Variants in PBX1 observed in about 807,000 individuals in gnomAD.
PBX1 encodes the protein PBX homeobox 1.
PBX1 carries 6 observed loss-of-function variants against 53.4 expected under a neutral mutation model. That is an observed-to-expected ratio of 0.11 (90% CI 0.06 to 0.22). The LOEUF is 0.22. PBX1 is among the 10% of genes least tolerant of loss of function. PBX1 has a pLI of 1.00. For synonymous variants in PBX1, 204 were observed against 212.3 expected, an observed-to-expected ratio of 0.96 and a Z score of 0.34; for missense variants, 251 against 551.4, an observed-to-expected ratio of 0.46 and a Z score of 5.46.
intron 2 of PBX1, among the ~76,000 whole-genome samples, chr1:164,617,746 A>AT (rs1321187607): frequency 6.6e-6 from 1 of 152,196 alleles, no homozygotes. Context: ...TTGTTCTGTT[A>AT]TTTTAAATCC....
intron 2 of PBX1, among the ~76,000 whole-genome samples, chr1:164,742,027 C>CA (rs1665642685): frequency 1.3e-5 from 2 of 151,570 alleles, no homozygotes; most frequent in Non-Finnish European, 2.9e-5. Flanking sequence ...GAGAGCCAAA[C>CA]AAAAAATACC....
At chr1:164,802,478 G>T (rs1002939396) in intron 4 of PBX1, among the ~76,000 whole-genome samples, 4 of 152,170 alleles carry the variant, frequency 2.6e-5, no homozygotes, top group African/African-American at 9.7e-5. Context: ...CAGTTTGGCT[G>T]CCTGCTTTCT....
intron 2 of PBX1, among the ~76,000 whole-genome samples, chr1:164,615,459 G>T (rs1450724367): frequency 6.6e-6 from 1 of 151,624 alleles, no homozygotes; most frequent in Non-Finnish European, 1.5e-5. Flanking sequence ...TTTCAGGCAA[G>T]TAACTATTTG....
chr1:164,608,937 G>A (rs924241195), intron 2 of PBX1, among the ~76,000 whole-genome samples: 7 of 152,166 alleles, frequency 4.6e-5, no homozygotes, highest in Non-Finnish European at 8.8e-5. Context: ...AGAATTCCAG[G>A]AATCTCTTAG....
chr1:164,608,729 G>T (rs796520874), intron 2 of PBX1, among the ~76,000 whole-genome samples: 1 of 152,188 alleles, frequency 6.6e-6, no homozygotes, highest in Non-Finnish European at 1.5e-5. Context: ...ACAAAATGTG[G>T]CTGAGCTGTT....
At chr1:164,804,355 A>G (rs1048308596) in intron 4 of PBX1, among the ~76,000 whole-genome samples, 11 of 152,212 alleles carry the variant, frequency 7.2e-5, no homozygotes, top group Admixed American at 1.3e-4. Context: ...CAGAGCTACA[A>G]TCTTTTTCCA....
chr1:164,620,994 T>A (rs759463442), intron 2 of PBX1, among the ~76,000 whole-genome samples: 1 of 149,470 alleles, frequency 6.7e-6, no homozygotes, highest in Non-Finnish European at 1.5e-5. Context: ...TAAAAAAAAA[T>A]TAATTAATTT....
At chr1:164,607,315 G>A (rs1278222068) in intron 2 of PBX1, among the ~76,000 whole-genome samples, 1 of 152,148 alleles carries the variant, frequency 6.6e-6, no homozygotes, top group Admixed American at 6.5e-5. Flanking sequence ...TGTAGTAAGT[G>A]GGATGAATGA....
At chr1:164,700,380 C>T in intron 2 of PBX1, 1 of 866,158 alleles carries the variant, frequency 1.2e-6, no homozygotes, top group Non-Finnish European at 1.4e-6. Context: ...GAAGGCACAT[C>T]AAGGGAGCGT....
chr1:164,687,936 C>T (rs1241377020), intron 2 of PBX1, among the ~76,000 whole-genome samples: 1 of 152,116 alleles, frequency 6.6e-6, no homozygotes, highest in African/African-American at 2.4e-5. Context: ...CTAACTCTCC[C>T]CAGCTGTGCC....
At chr1:164,642,666 A>G (rs1370427521) in intron 2 of PBX1, 3 of 152,222 alleles carry the variant, frequency 2.0e-5, no homozygotes, top group African/African-American at 7.2e-5. Context: ...GCAAGGACTT[A>G]GTGAACATGT....
intron 2 of PBX1, among the ~76,000 whole-genome samples, chr1:164,602,854 G>T (rs531888897): frequency 3.9e-5 from 6 of 152,134 alleles, no homozygotes; most frequent in African/African-American, 1.2e-4. Context: ...GCCGTTAAAC[G>T]GTTGTAAATT....
intron 1 of PBX1, chr1:164,560,279 AACAC>A: frequency 2.5e-6 from 1 of 402,250 alleles, no homozygotes; most frequent in Non-Finnish European, 4.4e-6. Flanking sequence ...TATCCACACA[AACAC>A]ACAGGCATGC....
intron 2 of PBX1, chr1:164,702,976 G>C (rs1023624042): frequency 6.6e-6 from 1 of 151,564 alleles, no homozygotes; most frequent in African/African-American, 2.4e-5. Context: ...TATATCTTTG[G>C]ATTTTTGAAA....
chr1:164,845,634 T>A (rs1202427325), intron 8 of PBX1, among the ~76,000 whole-genome samples: 3 of 152,218 alleles, frequency 2.0e-5, no homozygotes, highest in Non-Finnish European at 4.4e-5. Context: ...ACTATTTTAG[T>A]GCTGGGATTT....
At chr1:164,747,761 A>G (rs1002985346) in intron 2 of PBX1, among the ~76,000 whole-genome samples, 2 of 152,126 alleles carry the variant, frequency 1.3e-5, no homozygotes, top group Non-Finnish European at 2.9e-5. Context: ...ACTCAACCTG[A>G]GATACTATGA....
chr1:164,628,760 G>A (rs1658214399), intron 2 of PBX1, among the ~76,000 whole-genome samples: 1 of 151,888 alleles, frequency 6.6e-6, no homozygotes, highest in Non-Finnish European at 1.5e-5. Flanking sequence ...GATATGTGGG[G>A]TGCTATAAAA....
At chr1:164,757,427 T>C (rs1666587819) in intron 2 of PBX1, among the ~76,000 whole-genome samples, 1 of 152,198 alleles carries the variant, frequency 6.6e-6, no homozygotes, top group Non-Finnish European at 1.5e-5. Flanking sequence ...ACGATTCACA[T>C]TTTCAGTTAC....
chr1:164,777,230 C>T (rs1403050324), intron 2 of PBX1, among the ~76,000 whole-genome samples: 4 of 152,134 alleles, frequency 2.6e-5, no homozygotes, highest in Non-Finnish European at 5.9e-5. Flanking sequence ...CAAGACCAGC[C>T]TGGCCAATAT....
Sources: gnomAD v4.1 joint callset for allele counts (sites outside exome capture counted in the v4.1 genomes callset) on GRCh38, gnomAD v4.1.1 for gene constraint, MANE v1.5 for transcripts, NCBI Gene and HGNC (gene_info 2026-07-23, HGNC 2026-07-21) for gene names.